Variants in FCHSD2 observed in about 807,000 individuals in gnomAD.
FCHSD2 encodes FCH and double SH3 domains 2.
A neutral mutation model predicts 108.1 loss-of-function variants in FCHSD2; 38 were observed. The observed-to-expected ratio is 0.35, with a 90% CI of 0.27 to 0.46. The LOEUF (loss-of-function observed/expected upper bound fraction) is 0.46. Ranked by LOEUF, FCHSD2 falls within the 20% of genes least tolerant of loss-of-function variation. The pLI is 1.00. For missense variants in FCHSD2, 751 were observed against 897.8 expected, an observed-to-expected ratio of 0.84 and a Z score of 2.09; for synonymous variants, 279 against 314.7, an observed-to-expected ratio of 0.89 and a Z score of 1.20.
chr11:73,028,106 G>A (rs1000528351), intron 3 of FCHSD2, among the ~76,000 whole-genome samples: 7 of 152,190 alleles, frequency 4.6e-5, no homozygotes, highest in Non-Finnish European at 1.0e-4. Flanking sequence ...TGCTCACAGG[G>A]GCACTGCCTA....
chr11:72,842,958 G>T, intron 16 of FCHSD2, 117 bp from the exon 17 acceptor site: 2 of 951,210 alleles, frequency 2.1e-6, no homozygotes, highest in Non-Finnish European at 3.1e-6. Flanking sequence ...GATTAAAGTT[G>T]TAATTTTTTT....
chr11:73,133,786 C>A (rs1460606900), intron 2 of FCHSD2, among the ~76,000 whole-genome samples: 20 of 99,160 alleles, frequency 2.0e-4, no homozygotes, highest in African/African-American at 7.1e-4. Context: ...CAGAGAAACT[C>A]CGTCTCAAAA....
chr11:72,846,395 T>C (rs1280609548), intron 14 of FCHSD2, among the ~76,000 whole-genome samples: 1 of 152,142 alleles, frequency 6.6e-6, no homozygotes, highest in East Asian at 1.9e-4. Context: ...TTGGTCAGGC[T>C]GGTCTCGAAC....
chr11:73,060,016 G>A (rs888836308), intron 3 of FCHSD2, among the ~76,000 whole-genome samples: 2 of 152,144 alleles, frequency 1.3e-5, no homozygotes, highest in Non-Finnish European at 2.9e-5. Context: ...TTCCTCTAAC[G>A]TATACCTCCT....
intron 13 of FCHSD2, 32 bp downstream of exon 13, chr11:72,867,833 C>A: frequency 6.3e-7 from 1 of 1,588,226 alleles, no homozygotes. Flanking sequence ...CAGTGAAAAT[C>A]AACTTGTCAT....
intron 2 of FCHSD2, among the ~76,000 whole-genome samples, chr11:73,089,759 T>C (rs968447924): frequency 6.6e-6 from 1 of 152,104 alleles, no homozygotes; most frequent in Admixed American, 6.5e-5. Flanking sequence ...AAAAGTAAAT[T>C]AGTGGTTGCC....
At chr11:72,992,837 C>T (rs1023367397) in intron 5 of FCHSD2, among the ~76,000 whole-genome samples, 33 of 152,172 alleles carry the variant, frequency 2.2e-4, no homozygotes, top group Admixed American at 4.6e-4. Flanking sequence ...CCATTCAGGA[C>T]ACAGGCATAG....
intron 10 of FCHSD2, among the ~76,000 whole-genome samples, chr11:72,901,738 G>A (rs1272144753): frequency 6.6e-6 from 1 of 151,912 alleles, no homozygotes; most frequent in Non-Finnish European, 1.5e-5. Context: ...GCTAATTTGA[G>A]GTTTATGTAA....
At chr11:72,987,340 T>C (rs1435625784) in intron 6 of FCHSD2, among the ~76,000 whole-genome samples, 2 of 152,210 alleles carry the variant, frequency 1.3e-5, no homozygotes, top group South Asian at 2.1e-4. Context: ...CCTCTATATT[T>C]TCTAGGCTTT....
chr11:72,942,484 C>T (rs999843072), intron 8 of FCHSD2, among the ~76,000 whole-genome samples: 1 of 152,096 alleles, frequency 6.6e-6, no homozygotes, highest in Non-Finnish European at 1.5e-5. Context: ...AAAGGACTTA[C>T]GTGTATAACA....
intron 8 of FCHSD2, among the ~76,000 whole-genome samples, chr11:72,925,075 T>C (rs1306005429): frequency 2.0e-5 from 3 of 152,028 alleles, no homozygotes; most frequent in African/African-American, 7.3e-5. Flanking sequence ...AAATAAGGCA[T>C]GGATTTTAAG....
At chr11:72,930,149 G>C (rs1345659379) in intron 8 of FCHSD2, among the ~76,000 whole-genome samples, 1 of 152,134 alleles carries the variant, frequency 6.6e-6, no homozygotes, top group Admixed American at 6.5e-5. Context: ...GGAGGAAAAA[G>C]CACTTAGGGC....
intron 10 of FCHSD2, among the ~76,000 whole-genome samples, chr11:72,890,986 C>T (rs754761546): frequency 2.6e-5 from 4 of 152,160 alleles, no homozygotes; most frequent in African/African-American, 4.8e-5. Flanking sequence ...ATTCTGATCA[C>T]GGCTCACTGC....
chr11:72,841,640 C>T, intron 17 of FCHSD2, 57 bp from the exon 18 acceptor site: 2 of 1,501,302 alleles, frequency 1.3e-6, no homozygotes, highest in Non-Finnish European at 1.8e-6. Context: ...GAGAGCCTGG[C>T]TGCTTCTCTG....
At chr11:72,895,284 T>C (rs1855394750) in intron 10 of FCHSD2, among the ~76,000 whole-genome samples, 1 of 152,030 alleles carries the variant, frequency 6.6e-6, no homozygotes, top group Non-Finnish European at 1.5e-5. Flanking sequence ...GGTGAAGAAA[T>C]GATGAGAACT....
intron 3 of FCHSD2, among the ~76,000 whole-genome samples, chr11:73,031,728 C>T (rs531379983): frequency 1.3e-5 from 2 of 152,284 alleles, no homozygotes; most frequent in Admixed American, 6.5e-5. Context: ...TCCACACTCC[C>T]GTTATTCTAT....
intron 3 of FCHSD2, 148 bp downstream of exon 3, chr11:73,083,547 C>G (rs1240171843): frequency 1.9e-4 from 110 of 589,328 alleles, no homozygotes; most frequent in Non-Finnish European, 3.0e-4. Context: ...GACTCCATCT[C>G]AGAAAAAAAG....
chr11:72,857,167 G>A (rs1374910674), intron 13 of FCHSD2, among the ~76,000 whole-genome samples: 1 of 152,114 alleles, frequency 6.6e-6, no homozygotes, highest in Non-Finnish European at 1.5e-5. Flanking sequence ...CAGCAATAGC[G>A]GTCACTGTCA....
rs1859037431 is a variant in FCHSD2, at chr11:73,056,869, T to C, written c.165+26826A>G. ...AGGCCAAGGTGGGTGGATCACAGGG[T>C]CAGGAGATTGAGACCATCCTGGCTA... On this transcript the variant is annotated intron_variant, in intron 3 of 19. Transcript: ENST00000409418. Among the ~76,000 whole-genome samples, 4 of 151,978 alleles carry C rather than the reference T, an allele frequency of 2.6e-5. No individual in the cohort carries two copies. The South Asian group carries it at 8.3e-4, about 32-fold the overall frequency.
Sources: allele counts gnomAD v4.1 joint callset (sites outside exome capture counted in the v4.1 genomes callset), GRCh38; gene constraint gnomAD v4.1.1; transcripts MANE v1.5; gene names NCBI Gene and HGNC (gene_info 2026-07-23, HGNC 2026-07-21).